The following NRG1 variants were observed in gnomAD, a reference collection of about 807,000 sequenced individuals.
The protein encoded by NRG1 is pro-neuregulin-1, membrane-bound isoform.
Under a neutral mutation model 63.8 loss-of-function variants are expected in NRG1, and 18 were observed. The observed-to-expected ratio is 0.28, with a 90% CI of 0.19 to 0.42. The LOEUF (loss-of-function observed/expected upper bound fraction) is 0.42, where lower values mean the gene tolerates loss of function less well. Among genes scored for constraint, NRG1 ranks in the 10% least tolerant of loss-of-function variants. The probability of loss-of-function intolerance (pLI) is 1.00; values close to 1 mark genes in which losing one functional copy is unlikely to be tolerated. For missense variants in NRG1, 762 were observed against 814.7 expected (o/e 0.94, Z 0.79); for synonymous variants, 302 against 301.3 (o/e 1.00, Z -0.02).
intron 1 of NRG1, among the ~76,000 whole-genome samples, chr8:31,776,357 C>T (rs866397343): frequency 1.8e-4 from 28 of 152,214 alleles, no homozygotes; most frequent in African/African-American, 5.5e-4. Context: ...TTGTCAAGGG[C>T]GCCAAGGATG....
At chr8:32,648,368 A>C in intron 5 of NRG1, 1 of 1,613,972 alleles carries the variant, frequency 6.2e-7, no homozygotes, top group Non-Finnish European at 8.5e-7. Flanking sequence ...CTAATCTCCA[A>C]ACTGCTCCTA....
At chr8:32,275,457 C>T (rs138211049) in intron 1 of NRG1, among the ~76,000 whole-genome samples, 1 of 152,154 alleles carries the variant, frequency 6.6e-6, no homozygotes, top group East Asian at 1.9e-4. Flanking sequence ...ACAGGGTTGG[C>T]AGCTCAGAAG....
At chr8:32,544,279 G>GT (rs1451664510), upstream of NRG1, among the ~76,000 whole-genome samples, 1 of 151,982 alleles carries the variant, frequency 6.6e-6, no homozygotes, top group Non-Finnish European at 1.5e-5. Context: ...ACCTAAATTT[G>GT]TAAGTTTAAT....
At chr8:31,827,160 T>C (rs2129604622) in intron 1 of NRG1, among the ~76,000 whole-genome samples, 1 of 152,312 alleles carries the variant, frequency 6.6e-6, no homozygotes, top group Non-Finnish European at 1.5e-5. Context: ...AACTGATTGC[T>C]TTTCTAATTA....
At chr8:31,966,707 T>G (rs1002744415) in intron 1 of NRG1, among the ~76,000 whole-genome samples, 5 of 152,212 alleles carry the variant, frequency 3.3e-5, no homozygotes, top group Admixed American at 6.5e-5. Context: ...TGGCACATTC[T>G]GGATCTAGTG....
chr8:32,446,984 G>C (rs1240135415), intron 1 of NRG1, among the ~76,000 whole-genome samples: 1 of 100,302 alleles, frequency 1.0e-5, no homozygotes, highest in Non-Finnish European at 2.2e-5. Flanking sequence ...TTAGCGCTCA[G>C]AAAACTAAAA....
At chr8:32,108,606 A>G (rs139371625) in intron 1 of NRG1, among the ~76,000 whole-genome samples, 3 of 152,212 alleles carry the variant, frequency 2.0e-5, no homozygotes, top group Middle Eastern at 3.4e-3. Context: ...AGTTGACCTT[A>G]AAATAGATAA....
rs1014739571 is a variant in NRG1 at position 32,292,595 on chromosome 8, G to A, written c.38-303233G>A. Among the ~76,000 whole-genome samples the A allele has an allele frequency of 3.7e-4, 56 of 151,800 alleles. 1 individual carries two copies. Among genetic ancestry groups the A allele is most frequent in the African/African-American group, 1.3e-3 (52 of 41,352 alleles). On this transcript the variant is annotated intron_variant, in intron 1 of 10. Transcript: ENST00000519301. ...TGCTCTCTCTCTCTGTTCTCCATTCGTTGTTTCTTTCTAATTCGCAGTAGC... is the reference window on the plus strand; with the variant it reads ...TGCTCTCTCTCTCTGTTCTCCATTCATTGTTTCTTTCTAATTCGCAGTAGC...
At chr8:31,659,303 C>T (rs574997825) in intron 1 of NRG1, among the ~76,000 whole-genome samples, 6 of 152,078 alleles carry the variant, frequency 3.9e-5, no homozygotes, top group African/African-American at 9.7e-5. Flanking sequence ...ACAACTTTCC[C>T]GGAAAAGTTA....
chr8:32,015,434 T>C (rs1815364777), intron 1 of NRG1, among the ~76,000 whole-genome samples: 1 of 152,168 alleles, frequency 6.6e-6, no homozygotes, highest in Non-Finnish European at 1.5e-5. Context: ...GGAAATAGCA[T>C]TGTATTTCTT....
At chr8:32,278,985 C>T (rs943452038) in intron 1 of NRG1, among the ~76,000 whole-genome samples, 4 of 152,158 alleles carry the variant, frequency 2.6e-5, no homozygotes, top group Admixed American at 2.0e-4. Flanking sequence ...TTGGATTTAA[C>T]CAGGTCTGAT....
At chr8:32,157,225 C>T (rs367775125) in intron 1 of NRG1, among the ~76,000 whole-genome samples, 6 of 151,268 alleles carry the variant, frequency 4.0e-5, no homozygotes, top group Admixed American at 2.6e-4. Context: ...CAAAAATTAG[C>T]GTGCTGGCAT....
chr8:32,131,715 T>C (rs1244916904), intron 1 of NRG1, among the ~76,000 whole-genome samples: 2 of 152,072 alleles, frequency 1.3e-5, no homozygotes, highest in Non-Finnish European at 2.9e-5. Flanking sequence ...ATTGTCTTAC[T>C]CCCATGGATA....
At chr8:32,355,479 T>C (rs1195156855) in intron 1 of NRG1, among the ~76,000 whole-genome samples, 1 of 151,808 alleles carries the variant, frequency 6.6e-6, no homozygotes, top group Non-Finnish European at 1.5e-5. Flanking sequence ...AAATGGCAAA[T>C]AGCAAAGGGG....
At chr8:32,029,246 GT>G (rs1442400345) in intron 1 of NRG1, 3 of 152,070 alleles carry the variant, frequency 2.0e-5, no homozygotes, top group Non-Finnish European at 4.4e-5. Context: ...CAATTTTGTG[GT>G]TTTTCCTACT....
At chr8:32,398,956 A>T (rs1286634929) in intron 1 of NRG1, among the ~76,000 whole-genome samples, 1 of 152,220 alleles carries the variant, frequency 6.6e-6, no homozygotes, top group Non-Finnish European at 1.5e-5. Flanking sequence ...TTGCAATATC[A>T]TAGAAACCTT....
chr8:32,424,127 C>T (rs1032063681), intron 1 of NRG1, among the ~76,000 whole-genome samples: 1 of 152,138 alleles, frequency 6.6e-6, no homozygotes, highest in African/African-American at 2.4e-5. Context: ...AGTTCTAACT[C>T]GGGTTTCTCA....
At chr8:32,331,126 C>T (rs374104653) in intron 1 of NRG1, among the ~76,000 whole-genome samples, 41 of 152,052 alleles carry the variant, frequency 2.7e-4, no homozygotes, top group Admixed American at 9.2e-4. Context: ...AGAGTCGTTA[C>T]GCAAGTCTTC....
intron 1 of NRG1, among the ~76,000 whole-genome samples, chr8:31,709,807 T>G (rs905046693): frequency 1.3e-5 from 2 of 151,872 alleles, no homozygotes; most frequent in Admixed American, 6.5e-5. Flanking sequence ...AAATTCTTAT[T>G]TTCATGTTTG....
Sources: allele counts gnomAD v4.1 joint callset (sites outside exome capture counted in the v4.1 genomes callset), GRCh38; gene constraint gnomAD v4.1.1; transcripts MANE v1.5; gene names NCBI Gene and HGNC (gene_info 2026-07-23, HGNC 2026-07-21).